PDZD2: variants seen among roughly 807,000 people sequenced by gnomAD.
PDZD2 encodes PDZ domain-containing protein 2.
Under a neutral mutation model 220.7 loss-of-function variants are expected in PDZD2, and 90 were observed. The observed-to-expected ratio is 0.41, with a 90% CI of 0.34 to 0.49. The LOEUF (loss-of-function observed/expected upper bound fraction) is 0.49. Ranked by LOEUF, PDZD2 falls within the 20% of genes least tolerant of loss-of-function variation. The pLI is 0.28. For synonymous variants in PDZD2, 1,375 were observed against 1,450.5 expected (o/e 0.95, Z 1.18); for missense variants, 3,174 against 3,608.5 (o/e 0.88, Z 3.08).
intron 1 of PDZD2, among the ~76,000 whole-genome samples, chr5:31,780,631 TTAGACATTTCC>T (rs1753011279): frequency 6.6e-6 from 1 of 152,182 alleles, no homozygotes. Flanking sequence ...CATGTCTGTC[TTAGACATTTCC>T]TTTTAATATA....
At chr5:32,004,092 A>T (rs74544165) in intron 5 of PDZD2, among the ~76,000 whole-genome samples, 2 of 112,556 alleles carry the variant, frequency 1.8e-5, no homozygotes, top group Non-Finnish European at 3.2e-5. Flanking sequence ...ACGTAAGATT[A>T]AAAAAAAAAA....
At chr5:31,810,286 G>A (rs1381977030) in intron 2 of PDZD2, among the ~76,000 whole-genome samples, 5 of 137,268 alleles carry the variant, frequency 3.6e-5, no homozygotes, top group African/African-American at 1.1e-4. Flanking sequence ...TTTTTGAGAC[G>A]GAGTCTTACT....
At chr5:31,982,370 T>TG (rs1750367267) in intron 2 of PDZD2, among the ~76,000 whole-genome samples, 1 of 152,236 alleles carries the variant, frequency 6.6e-6, no homozygotes, top group South Asian at 2.1e-4. Flanking sequence ...TGCAGTGGCG[T>TG]GATCTCGGTT....
At chr5:31,875,473 C>T (rs1303035703) in intron 2 of PDZD2, among the ~76,000 whole-genome samples, 4 of 151,064 alleles carry the variant, frequency 2.6e-5, no homozygotes, top group East Asian at 1.9e-4. Context: ...GTAATCCTGG[C>T]GACTTAGGAG....
rs756772117 is a variant in PDZD2, at chr5:31,640,399, A to G, written c.-361+962A>G. Among the ~76,000 whole-genome samples the G allele has an allele frequency of 2.7e-3, 415 of 152,280 alleles. 1 individual carries two copies. Among genetic ancestry groups the G allele is most frequent in the Non-Finnish European group, 5.5e-3 (372 of 68,016 alleles). On this transcript the variant is annotated intron_variant, in intron 1 of 24. Transcript: ENST00000438447. ...GCCGTTGGGCAGTGTTGGGGGATGG[A>G]GCTGAGTCTGAGTCTGTCCCCTGCA...
chr5:31,786,609 A>G (rs1174628653), intron 1 of PDZD2, among the ~76,000 whole-genome samples: 8 of 152,004 alleles, frequency 5.3e-5, no homozygotes. Context: ...GGTTGTGTAT[A>G]TGCTTCCTAA....
In PDZD2 at chr5:32,087,425, C is replaced by T. The variant is rs532995262; in HGVS notation, c.3977C>T (p.Ala1326Val). 110 of 1,614,014 alleles carry T rather than the reference C, an allele frequency of 6.8e-5. No individual in the cohort carries two copies. In the African/African-American group the frequency reaches 1.1e-3, roughly 17 times the overall value. The change falls in exon 20 of 25, where the codon GCG becomes GTG. Residue 1326 changes from alanine (A) to valine (V), a missense_variant. Physicochemically the swap from Ala to Val is moderately conservative, Grantham distance 64 (BLOSUM62 0). Around this residue, in one of 4 missense-constraint regions of PDZD2, gnomAD observed 1,861 missense variants for 2,001.0 expected, o/e 0.93. Transcript: ENST00000438447. The surrounding 1 kb of genome is among the most constrained non-coding windows in gnomAD (Gnocchi z 4.0). ...AGGAGGGTGGCTGCCCTCAGGGGAGCGGGACCTGGAGCAGAGGGAATGACA... is the reference window on the plus strand; with the variant it reads ...AGGAGGGTGGCTGCCCTCAGGGGAGTGGGACCTGGAGCAGAGGGAATGACA... ...NTRRVAALRG[A>V]GPGAEGMTPA... is the part of the protein sequence containing the mutation.
intron 1 of PDZD2, among the ~76,000 whole-genome samples, chr5:31,674,867 A>G (rs954846527): frequency 6.6e-6 from 1 of 151,870 alleles, no homozygotes; most frequent in African/African-American, 2.4e-5. Context: ...CCTCGGTGTT[A>G]CAAATGAGGG....
chr5:32,015,132 G>A (rs1434690553), intron 6 of PDZD2, among the ~76,000 whole-genome samples: 1 of 151,800 alleles, frequency 6.6e-6, no homozygotes, highest in Non-Finnish European at 1.5e-5. Flanking sequence ...AGTAGAGATA[G>A]GGTTTCACCA....
intron 2 of PDZD2, among the ~76,000 whole-genome samples, chr5:31,914,198 T>G (rs1743465633): frequency 6.6e-6 from 1 of 152,252 alleles, no homozygotes; most frequent in South Asian, 2.1e-4. Flanking sequence ...AATGACTAAA[T>G]AAAGTTTATT....
chr5:31,870,868 G>A (rs377465716), intron 2 of PDZD2, among the ~76,000 whole-genome samples: 13 of 144,032 alleles, frequency 9.0e-5, no homozygotes, highest in South Asian at 8.7e-4. Flanking sequence ...CAGCCTATGC[G>A]ACAGATCGAG....
chr5:32,036,420 A>T (rs1353727849), intron 6 of PDZD2, among the ~76,000 whole-genome samples: 1 of 152,234 alleles, frequency 6.6e-6, no homozygotes, highest in African/African-American at 2.4e-5. Context: ...AGTCTTGTAC[A>T]TGTAAATTTA....
rs1197615120 is a variant in PDZD2 at position 32,077,528 on chromosome 5, C to T, written c.3604C>T (p.Leu1202=). 2 of 1,614,016 alleles carry T rather than the reference C, an allele frequency of 1.2e-6. No homozygotes were observed. Among genetic ancestry groups the T allele is most frequent in the Non-Finnish European group, 1.7e-6 (2 of 1,179,852 alleles). The change falls in exon 19 of 25, where the codon CTG becomes TTG. Residue 1202 remains leucine (L), a synonymous_variant. Coordinates refer to ENST00000438447, the MANE Select transcript of PDZD2 (RefSeq NM_178140.4). ...TACCAGCTGTGAACTAGCCAGTGCT[C>T]TGTCCCATCTGGATGCCAGCCACCT... ...VSTSCELASA[L]SHLDASHLTE...
intron 2 of PDZD2, among the ~76,000 whole-genome samples, chr5:31,945,913 A>G (rs1023261321): frequency 1.2e-4 from 19 of 152,156 alleles, no homozygotes; most frequent in African/African-American, 4.6e-4. Flanking sequence ...TGTAGCCCCA[A>G]GAGTGTTCAT....
rs1581426401 is a variant in PDZD2, at chr5:32,073,701, A to C, written c.2726-131A>C. 10 of 698,676 alleles carry C rather than the reference A, an allele frequency of 1.4e-5. No homozygotes were observed. In the South Asian group the frequency reaches 1.6e-4, roughly 11 times the overall value. The allele number at this position is 698,676 out of a possible 1,614,324, so 43.3% of individuals were successfully genotyped here. On this transcript the variant is annotated intron_variant, in intron 17 of 24. Transcript: ENST00000438447. ...GCCATGTTGCCTAGGCCTTGTGTCC[A>C]GTGGCTGAGGCTGTGTGTCTGGTGT...
intron 2 of PDZD2, among the ~76,000 whole-genome samples, chr5:31,933,562 G>A (rs1366958767): frequency 6.6e-6 from 1 of 152,072 alleles, no homozygotes; most frequent in Non-Finnish European, 1.5e-5. Flanking sequence ...GTGTCCCTAG[G>A]CTGGGCTTTG....
chr5:31,694,413 A>G (rs1344721745), intron 1 of PDZD2, among the ~76,000 whole-genome samples: 1 of 152,182 alleles, frequency 6.6e-6, no homozygotes, highest in Admixed American at 6.5e-5. Context: ...AAAAAAACAA[A>G]AAACAATGCT....
chr5:31,642,678 A>C (rs1383944438), intron 1 of PDZD2, among the ~76,000 whole-genome samples: 5 of 152,200 alleles, frequency 3.3e-5, no homozygotes, highest in African/African-American at 1.2e-4. Flanking sequence ...TAGAGAAGCT[A>C]GATCAGGGGT....
intron 1 of PDZD2, among the ~76,000 whole-genome samples, chr5:31,660,390 C>T (rs1162027441): frequency 6.6e-6 from 1 of 152,020 alleles, no homozygotes; most frequent in Non-Finnish European, 1.5e-5. Context: ...AGTCCATTCT[C>T]ACACTGCTAT....
Sources: allele counts gnomAD v4.1 joint callset (sites outside exome capture counted in the v4.1 genomes callset), GRCh38; gene constraint gnomAD v4.1.1; regional missense constraint gnomAD v4.1.1; non-coding constraint Gnocchi (gnomAD v3.1); transcripts MANE v1.5; gene names NCBI Gene and HGNC (gene_info 2026-07-23, HGNC 2026-07-21).